Variants in CADPS observed in about 807,000 individuals in gnomAD.
CADPS encodes the protein calcium-dependent secretion activator 1.
Under a neutral mutation model 167.3 loss-of-function variants are expected in CADPS, and 57 were observed. That is an observed-to-expected ratio of 0.34 (90% confidence interval 0.28 to 0.42). CADPS has a LOEUF of 0.42. Among genes scored for constraint, CADPS ranks in the 20% least tolerant of loss-of-function variants. The pLI, the probability that CADPS is intolerant of heterozygous loss-of-function variation, is 1.00. For missense variants in CADPS, 1,414 were observed against 1,738.1 expected, an observed-to-expected ratio of 0.81 and a Z score of 3.32; for synonymous variants, 676 against 635.3, an observed-to-expected ratio of 1.06 and a Z score of -0.96.
intron 3 of CADPS, among the ~76,000 whole-genome samples, chr3:62,749,585 T>A (rs190031943): frequency 6.6e-6 from 1 of 152,324 alleles, no homozygotes; most frequent in East Asian, 1.9e-4. Context: ...ATCATTTCTG[T>A]ATTCTTGCTA....
At chr3:62,656,606 C>CTG (rs1365878843) in intron 4 of CADPS, among the ~76,000 whole-genome samples, 1 of 152,276 alleles carries the variant, frequency 6.6e-6, no homozygotes, top group Non-Finnish European at 1.5e-5. Context: ...CAGCAGAAGG[C>CTG]TGGTGATGGC....
chr3:62,839,188 G>C (rs1179836871), intron 1 of CADPS, among the ~76,000 whole-genome samples: 1 of 152,060 alleles, frequency 6.6e-6, no homozygotes, highest in Admixed American at 6.6e-5. Flanking sequence ...GAAATGGTCA[G>C]GGACTATTTT....
At chr3:62,837,315 C>T (rs1242099298) in intron 1 of CADPS, among the ~76,000 whole-genome samples, 1 of 152,170 alleles carries the variant, frequency 6.6e-6, no homozygotes, top group Non-Finnish European at 1.5e-5. Flanking sequence ...AAAGTTAGGG[C>T]TCTTTCATCT....
At chr3:62,450,580 C>G (rs2057892725) in intron 26 of CADPS, among the ~76,000 whole-genome samples, 1 of 152,220 alleles carries the variant, frequency 6.6e-6, no homozygotes, top group Non-Finnish European at 1.5e-5. Context: ...CATATCTTTT[C>G]TCTAGCAGCA....
intron 1 of CADPS, among the ~76,000 whole-genome samples, chr3:62,843,097 AT>A (rs1160629769): frequency 1.3e-5 from 2 of 152,210 alleles, no homozygotes; most frequent in Non-Finnish European, 2.9e-5. Flanking sequence ...TCACTGGATA[AT>A]TAACTTCCAA....
intron 1 of CADPS, among the ~76,000 whole-genome samples, chr3:62,843,749 C>T (rs1027404037): frequency 3.9e-5 from 6 of 152,078 alleles, no homozygotes; most frequent in Non-Finnish European, 7.4e-5. Context: ...TCCTGGAAGT[C>T]ACTCAGATAC....
At chr3:62,801,052 C>T (rs930195810) in intron 1 of CADPS, among the ~76,000 whole-genome samples, 5 of 152,116 alleles carry the variant, frequency 3.3e-5, no homozygotes, top group Non-Finnish European at 5.9e-5. Flanking sequence ...GGTTTCCCCA[C>T]TTGCTAGTGT....
chr3:62,601,353 G>T lies in CADPS; in HGVS notation c.1326-8605C>A, dbSNP rs1512010. The stretch of plus-strand genomic sequence containing the variant: ...TTGAGTAGTTATGACAGAGAATATA[G>T]GGCCAACAAACCGAAAATTTTTACT... On this transcript the variant is annotated intron_variant, in intron 6 of 29. Coordinates refer to ENST00000383710, the MANE Select transcript of CADPS (RefSeq NM_003716.4). This position sits in a 1 kb window ranked among gnomAD's most constrained non-coding sequence, Gnocchi z 4.3. 0.1 allele frequency among the ~76,000 whole-genome samples: 15,855 copies of T among 152,136 alleles called. 1,873 individuals carry two copies. The highest frequency in any genetic ancestry group is 0.29 in the African/African-American group (11,960 of 41,444).
At chr3:62,670,750 C>T (rs2075363180) in intron 3 of CADPS, among the ~76,000 whole-genome samples, 1 of 152,010 alleles carries the variant, frequency 6.6e-6, no homozygotes, top group Non-Finnish European at 1.5e-5. Flanking sequence ...CCAGTCTTTC[C>T]CCATCTTCCC....
intron 9 of CADPS, among the ~76,000 whole-genome samples, 158 bp downstream of exon 9, chr3:62,570,714 A>G (rs1376564403): frequency 6.6e-6 from 1 of 152,228 alleles, no homozygotes; most frequent in Non-Finnish European, 1.5e-5. Context: ...AATGTTCTGT[A>G]TCCTCCTCTG....
intron 6 of CADPS, among the ~76,000 whole-genome samples, chr3:62,603,115 T>C (rs2060201619): frequency 6.6e-6 from 1 of 152,206 alleles, no homozygotes; most frequent in Admixed American, 6.5e-5. Flanking sequence ...GGCTGCTTTG[T>C]CTCTGGCCAG....
chr3:62,841,219 G>T (rs1233113602), intron 1 of CADPS, among the ~76,000 whole-genome samples: 1 of 152,202 alleles, frequency 6.6e-6, no homozygotes, highest in African/African-American at 2.4e-5. Flanking sequence ...TTACTGACTA[G>T]TAAGTAAGAG....
intron 3 of CADPS, among the ~76,000 whole-genome samples, chr3:62,731,114 T>C (rs1506747): frequency 0.1 from 15,688 of 152,204 alleles, 1,061 homozygotes; most frequent in African/African-American, 0.19. Flanking sequence ...ATACAGTGCA[T>C]AGAGGAATTA....
intron 17 of CADPS, among the ~76,000 whole-genome samples, chr3:62,507,441 T>C (rs923169757): frequency 1.3e-5 from 2 of 150,094 alleles, no homozygotes; most frequent in Non-Finnish European, 3.0e-5. Flanking sequence ...TCAACAAGGG[T>C]AGGGAGCATG....
Position 62,601,578 on chromosome 3 carries a change from T to C in CADPS, c.1326-8830A>G, listed in dbSNP as rs2059979613. 6.6e-6 allele frequency among the ~76,000 whole-genome samples: 1 copy of C among 152,204 alleles called. No individual in the cohort carries two copies. Among genetic ancestry groups the C allele is most frequent in the East Asian group, 1.9e-4 (1 of 5,200 alleles). On this transcript the variant is annotated intron_variant, in intron 6 of 29. Coordinates refer to ENST00000383710, the MANE Select transcript of CADPS (RefSeq NM_003716.4). This position sits in a 1 kb window ranked among gnomAD's most constrained non-coding sequence, Gnocchi z 4.3. ...GATCCAATTTGCTGCTCTAAATTCT[T>C]CATGGAGCTCTTTCTAGCACTCTTA...
At chr3:62,471,725 A>G (rs1000084015) in intron 24 of CADPS, among the ~76,000 whole-genome samples, 1 of 152,092 alleles carries the variant, frequency 6.6e-6, no homozygotes, top group African/African-American at 2.4e-5. Flanking sequence ...TCCTTAGAAA[A>G]CTCAGTTAAA....
intron 3 of CADPS, among the ~76,000 whole-genome samples, chr3:62,679,760 A>T (rs1235545126): frequency 1.3e-5 from 2 of 152,052 alleles, no homozygotes; most frequent in Non-Finnish European, 2.9e-5. Context: ...ATGAGCTTTA[A>T]GTTGGATATA....
chr3:62,434,306 TC>T (rs1189681773), intron 28 of CADPS, among the ~76,000 whole-genome samples: 3 of 152,206 alleles, frequency 2.0e-5, no homozygotes, highest in Admixed American at 6.5e-5. Context: ...CAGCTGCACA[TC>T]TGAAATATTA....
At chr3:62,483,236 G>A (rs1476742683) in intron 21 of CADPS, among the ~76,000 whole-genome samples, 3 of 150,696 alleles carry the variant, frequency 2.0e-5, no homozygotes, top group Admixed American at 1.3e-4. Flanking sequence ...TCTGCCCTGG[G>A]CAAGCTGTGT....
Sources: allele counts gnomAD v4.1 joint callset (sites outside exome capture counted in the v4.1 genomes callset), GRCh38; gene constraint gnomAD v4.1.1; non-coding constraint Gnocchi (gnomAD v3.1); transcripts MANE v1.5; gene names NCBI Gene and HGNC (gene_info 2026-07-23, HGNC 2026-07-21).